PTPRT: variants seen among roughly 807,000 people sequenced by gnomAD.
PTPRT encodes protein tyrosine phosphatase receptor type T.
In PTPRT, 56 loss-of-function variants were observed where a neutral mutation model predicts 176.8. The observed-to-expected ratio is 0.32, with a 90% CI of 0.26 to 0.40. PTPRT has a LOEUF of 0.40. Ranked by LOEUF, PTPRT falls within the 10% of genes least tolerant of loss-of-function variation. PTPRT has a pLI of 1.00. For synonymous variants in PTPRT, 783 were observed against 739.0 expected, an observed-to-expected ratio of 1.06 and a Z score of -0.96; for missense variants, 1,540 against 1,908.2, an observed-to-expected ratio of 0.81 and a Z score of 3.60.
intron 30 of PTPRT, 74 bp from the exon 31 acceptor site, chr20:42,081,006 G>A: frequency 7.8e-7 from 1 of 1,284,318 alleles, no homozygotes; most frequent in Non-Finnish European, 1.1e-6. Context: ...AAGGGAAAAT[G>A]CATTTAGTTT....
chr20:43,158,574 T>C (rs533732149), intron 1 of PTPRT, among the ~76,000 whole-genome samples: 2 of 152,206 alleles, frequency 1.3e-5, no homozygotes, highest in Non-Finnish European at 2.9e-5. Context: ...ATTCTGTTCG[T>C]GCTCCCATCA....
At position 43,150,466 on chromosome 20, in the gene PTPRT, T is replaced by TTTTTTTTTTC. The variant is rs200631160; in HGVS notation, c.88+39179_88+39180insGAAAAAAAAA. ...ACTTCCACAGGGTCTTTTCTTTTTC[T>TTTTTTTTTTC]TTTTTTTGGAGATTGAGTCTCGCTC... is the stretch of plus-strand genomic sequence containing the variant. On this transcript the variant is annotated intron_variant, in intron 1 of 30. Transcript: ENST00000373187. Among the ~76,000 whole-genome samples the TTTTTTTTTTC allele has an allele frequency of 4.3e-3, 656 of 151,162 alleles. 8 individuals carry two copies. Among genetic ancestry groups the TTTTTTTTTTC allele is most frequent in the African/African-American group, 0.015 (615 of 40,706 alleles).
intron 4 of PTPRT, among the ~76,000 whole-genome samples, chr20:42,773,485 A>T (rs1410205127): frequency 1.3e-5 from 2 of 152,184 alleles, no homozygotes; most frequent in Non-Finnish European, 2.9e-5. Context: ...TCAGGTTTTT[A>T]AACTAATGAC....
At chr20:43,051,156 G>C (rs1987026027) in intron 1 of PTPRT, among the ~76,000 whole-genome samples, 1 of 152,196 alleles carries the variant, frequency 6.6e-6, no homozygotes, top group South Asian at 2.1e-4. Flanking sequence ...GAAAGTCTTT[G>C]AGTTCTTGGA....
chr20:42,088,084 A>G (rs1984195305), intron 27 of PTPRT, among the ~76,000 whole-genome samples: 1 of 152,098 alleles, frequency 6.6e-6, no homozygotes, highest in African/African-American at 2.4e-5. Flanking sequence ...CTAGGTCTAC[A>G]GGTCCCATTG....
Position 42,853,831 on chromosome 20 carries a change from G to A in PTPRT, c.214+31976C>T, listed in dbSNP as rs527937389. Among the ~76,000 whole-genome samples the A allele has an allele frequency of 4.8e-4, 73 of 152,314 alleles. 1 individual carries two copies. The highest frequency in any genetic ancestry group is 4.6e-3 in the South Asian group (22 of 4,824). The stretch of plus-strand genomic sequence containing the variant: ...CAGAATGACTGCATGCCAGGATTGC[G>A]CCAGCAGGCTGACTTTAATCACTAC... On this transcript the variant is annotated intron_variant, in intron 2 of 30. Coordinates refer to ENST00000373187, the MANE Select transcript of PTPRT (RefSeq NM_007050.6).
intron 7 of PTPRT, among the ~76,000 whole-genome samples, chr20:42,567,595 C>G (rs762649838): frequency 6.6e-6 from 1 of 152,228 alleles, no homozygotes; most frequent in Non-Finnish European, 1.5e-5. Flanking sequence ...GAAGCCTTGT[C>G]TGCTTCACAG....
intron 3 of PTPRT, among the ~76,000 whole-genome samples, chr20:42,786,341 T>C (rs971391610): frequency 2.6e-5 from 4 of 152,220 alleles, no homozygotes; most frequent in South Asian, 2.1e-4. Flanking sequence ...ATTCTACAGA[T>C]GAGGGAACTG....
At chr20:42,844,215 A>G (rs6030519) in intron 2 of PTPRT, among the ~76,000 whole-genome samples, 16,182 of 152,248 alleles carry the variant, frequency 0.11, 1,004 homozygotes, top group Admixed American at 0.16. Context: ...CATTGCAGTC[A>G]CAGTAATAAT....
At chr20:42,363,270 T>TTATATATATATATA (rs1212021931) in intron 9 of PTPRT, among the ~76,000 whole-genome samples, 3 of 30,378 alleles carry the variant, frequency 9.9e-5, no homozygotes, top group East Asian at 8.3e-4. Flanking sequence ...TTTATTACAA[T>TTATATATATATATA]TATATATATA....
intron 18 of PTPRT, among the ~76,000 whole-genome samples, chr20:42,138,817 A>G (rs2146403677): frequency 6.6e-6 from 1 of 152,240 alleles, no homozygotes; most frequent in Non-Finnish European, 1.5e-5. Flanking sequence ...GGAAGAAAGG[A>G]GATATTTCGC....
At chr20:42,869,018 C>G (rs1332872530) in intron 2 of PTPRT, among the ~76,000 whole-genome samples, 1 of 152,130 alleles carries the variant, frequency 6.6e-6, no homozygotes, top group Non-Finnish European at 1.5e-5. Context: ...TGGTGTTGAC[C>G]CTGCAGGTGT....
intron 13 of PTPRT, among the ~76,000 whole-genome samples, chr20:42,270,139 A>G (rs1249499465): frequency 6.6e-6 from 1 of 152,122 alleles, no homozygotes; most frequent in Non-Finnish European, 1.5e-5. Context: ...TGCCTAGAAC[A>G]GTGCCTGGCA....
At chr20:42,215,357 C>T (rs1412921261) in intron 15 of PTPRT, among the ~76,000 whole-genome samples, 1 of 152,110 alleles carries the variant, frequency 6.6e-6, no homozygotes, top group Non-Finnish European at 1.5e-5. Flanking sequence ...ATTTAATATA[C>T]CCTAATTTGC....
intron 1 of PTPRT, among the ~76,000 whole-genome samples, chr20:42,988,562 G>A (rs1420959402): frequency 1.3e-5 from 2 of 152,162 alleles, no homozygotes; most frequent in Non-Finnish European, 2.9e-5. Context: ...GCAACTGACA[G>A]GTTCATGACG....
intron 1 of PTPRT, among the ~76,000 whole-genome samples, chr20:43,077,818 A>C (rs950909984): frequency 8.5e-5 from 13 of 152,110 alleles, no homozygotes; most frequent in Non-Finnish European, 1.9e-4. Context: ...AATCTATGAA[A>C]ATGAGAATTT....
At chr20:42,652,602 A>G (rs2075052278) in intron 7 of PTPRT, among the ~76,000 whole-genome samples, 1 of 152,096 alleles carries the variant, frequency 6.6e-6, no homozygotes, top group South Asian at 2.1e-4. Context: ...TGCTGTCAGA[A>G]CCAATCCTAC....
At chr20:42,569,047 C>CAAAAAA (rs869193461) in intron 7 of PTPRT, among the ~76,000 whole-genome samples, 1 of 20,446 alleles carries the variant, frequency 4.9e-5, no homozygotes, top group African/African-American at 1.6e-4. Flanking sequence ...GACTCCATCT[C>CAAAAAA]AAAAAAAAAA....
At chr20:42,910,326 G>C (rs183329586) in intron 1 of PTPRT, among the ~76,000 whole-genome samples, 1 of 152,116 alleles carries the variant, frequency 6.6e-6, no homozygotes. Context: ...GAGCTGTGCC[G>C]CGGTTGGCCA....
Sources: gnomAD v4.1 joint callset for allele counts (sites outside exome capture counted in the v4.1 genomes callset) on GRCh38, gnomAD v4.1.1 for gene constraint, MANE v1.5 for transcripts, NCBI Gene and HGNC (gene_info 2026-07-23, HGNC 2026-07-21) for gene names.